The following PRDM11 variants were observed in gnomAD, a reference collection of about 807,000 sequenced individuals.
PRDM11 encodes the protein PR/SET domain 11.
In PRDM11, 20 loss-of-function variants were observed where a neutral mutation model predicts 97.8. The observed-to-expected ratio is 0.20, with a 90% CI of 0.14 to 0.30. The LOEUF is 0.30. Among genes scored for constraint, PRDM11 ranks in the 10% least tolerant of loss-of-function variants. The pLI, the probability that PRDM11 is intolerant of heterozygous loss-of-function variation, is 1.00. For synonymous variants in PRDM11, 599 were observed against 637.7 expected, an observed-to-expected ratio of 0.94 and a Z score of 0.91; for missense variants, 1,139 against 1,555.2, an observed-to-expected ratio of 0.73 and a Z score of 4.50.
Position 45,131,445 on chromosome 11 carries a change from A to G in PRDM11, c.96+35544A>G, listed in dbSNP as rs80296439. On this transcript the variant is annotated intron_variant, in intron 1 of 6. Transcript: ENST00000530656. ...GGTAACAATGGCAGATTACAAATCA[A>G]TGCAAAGTTTTGGAGGGAAATTTAA... is the stretch of plus-strand genomic sequence containing the variant. Among the ~76,000 whole-genome samples, 88 of 152,370 alleles carry G rather than the reference A, an allele frequency of 5.8e-4. No individual in the cohort carries two copies. The East Asian group carries it at 0.016, about 27-fold the overall frequency.
At chr11:45,114,699 A>T (rs1405233937) in intron 1 of PRDM11, among the ~76,000 whole-genome samples, 2 of 152,124 alleles carry the variant, frequency 1.3e-5, no homozygotes, top group African/African-American at 4.8e-5. Context: ...AACCAAAACA[A>T]CCAAACACAC....
At chr11:45,134,924 T>C (rs1852807925) in intron 1 of PRDM11, among the ~76,000 whole-genome samples, 1 of 151,920 alleles carries the variant, frequency 6.6e-6, no homozygotes, top group African/African-American at 2.4e-5. Flanking sequence ...AATCATTACA[T>C]CTAGAGGTTA....
At chr11:45,186,503 C>T (rs991197228) in intron 4 of PRDM11, among the ~76,000 whole-genome samples, 14 of 152,122 alleles carry the variant, frequency 9.2e-5, no homozygotes, top group African/African-American at 3.4e-4. Context: ...AGAGAAGAGG[C>T]ATTTCCTTTG....
rs953589069 is a variant in PRDM11 at position 45,232,398 on chromosome 11, T to C, written c.*4239T>C. 6.6e-6 allele frequency: 1 copy of C among 152,332 alleles called. No individual in the cohort carries two copies. Among genetic ancestry groups the C allele is most frequent in the African/African-American group, 2.4e-5 (1 of 41,474 alleles). The allele number at this position is 152,332 out of a possible 1,614,324, so 9.4% of individuals were successfully genotyped here. On this transcript the variant is annotated 3_prime_UTR_variant, in exon 8 of 8. Transcript: ENST00000683152. The stretch of plus-strand genomic sequence containing the variant: ...GGAATGGGAGTTCTAGACCTAGGTC[T>C]GCTTTTGGCTTTCAGTCTGGGTTGA...
chr11:45,127,766 G>A (rs563374706), intron 1 of PRDM11, among the ~76,000 whole-genome samples: 90 of 152,358 alleles, frequency 5.9e-4, no homozygotes, highest in Middle Eastern at 3.4e-3. Flanking sequence ...TGCCCCTACC[G>A]GGGGGTGCCT....
chr11:45,194,592 G>GTTTTTTT (rs869144098), intron 4 of PRDM11, among the ~76,000 whole-genome samples: 3 of 70,890 alleles, frequency 4.2e-5, no homozygotes, highest in Admixed American at 1.6e-4. Context: ...ATTATCTTCT[G>GTTTTTTT]TTTTTTTTTT....
chr11:45,107,409 C>G (rs1852080834), intron 1 of PRDM11, among the ~76,000 whole-genome samples: 1 of 152,216 alleles, frequency 6.6e-6, no homozygotes, highest in African/African-American at 2.4e-5. Context: ...TAGGTACACA[C>G]AAAACGACCC....
In PRDM11 at chr11:45,228,209, A is replaced by G. The variant is rs12293953; in HGVS notation, c.*50A>G. 643 of 1,292,992 alleles carry G rather than the reference A, an allele frequency of 5.0e-4. 1 individual carries two copies. In the African/African-American group the frequency reaches 6.1e-3, roughly 12 times the overall value. 80.1% of individuals were successfully genotyped at this position (1,292,992 alleles called of 1,614,324 possible). On this transcript the variant is annotated 3_prime_UTR_variant, in exon 8 of 8. Transcript: ENST00000683152. ...AAGCTGTTGAATATTTTTTTAATCTATACTCATAAGCTTTGATATATTATA... is the reference window on the plus strand; with the variant it reads ...AAGCTGTTGAATATTTTTTTAATCTGTACTCATAAGCTTTGATATATTATA...
chr11:45,213,457 G>A (rs1337496688), intron 5 of PRDM11: 1 of 450,460 alleles, frequency 2.2e-6, no homozygotes, highest in Admixed American at 2.4e-5. Flanking sequence ...TCTTTTGAAG[G>A]GGGTGAGGCC....
rs180843634 is a variant in PRDM11 at position 45,209,192 on chromosome 11, C to T, written c.554+4414C>T. The T allele has an allele frequency of 2.5e-4, 113 of 448,524 alleles. 1 individual carries two copies. Among genetic ancestry groups the T allele is most frequent in the African/African-American group, 2.1e-3 (106 of 49,954 alleles). The allele number at this position is 448,524 out of a possible 1,614,324, so 27.8% of individuals were successfully genotyped here. A position where few individuals can be genotyped will look rare whatever the true frequency, so the allele number is the denominator to read the frequency against. ...GGGGCCGGGCCCCCACCATCGTGCT[C>T]ACGGCCCACGAGAGGGCCATCAAGT... On this transcript the variant is annotated intron_variant, in intron 5 of 7. Coordinates refer to ENST00000683152, the MANE Select transcript of PRDM11 (RefSeq NM_001384648.1).
At chr11:45,151,688 A>T (rs1307967247) in intron 1 of PRDM11, among the ~76,000 whole-genome samples, 1 of 152,260 alleles carries the variant, frequency 6.6e-6, no homozygotes, top group Non-Finnish European at 1.5e-5. Flanking sequence ...CAAAGGAGAC[A>T]ACCACTGACT....
At chr11:45,123,131 T>C (rs1852479093) in intron 1 of PRDM11, among the ~76,000 whole-genome samples, 1 of 152,178 alleles carries the variant, frequency 6.6e-6, no homozygotes, top group Non-Finnish European at 1.5e-5. Flanking sequence ...TTTGGCTGCA[T>C]ACATGTCTTC....
rs2863170 is a variant in PRDM11 at position 45,223,406 on chromosome 11, G to T, written c.743-811G>T. On this transcript the variant is annotated intron_variant, in intron 6 of 7. Transcript: ENST00000683152. ...TGAAAGTAATTCAAAGTGAATTGAG[G>T]TAATTCACATGATAGAAAGAAATAG... is the stretch of plus-strand genomic sequence containing the variant. Among the ~76,000 whole-genome samples, 1,030 of 152,312 alleles carry T rather than the reference G, an allele frequency of 6.8e-3. 14 individuals are homozygous for T. Among genetic ancestry groups the T allele is most frequent in the African/African-American group, 0.024 (987 of 41,562 alleles).
chr11:45,184,222 G>T (rs901537508), intron 4 of PRDM11, among the ~76,000 whole-genome samples: 6 of 152,224 alleles, frequency 3.9e-5, no homozygotes, highest in Non-Finnish European at 8.8e-5. Flanking sequence ...TGTGCCTGGA[G>T]TGCAGCACAC....
At chr11:45,116,188 C>A (rs903096489) in intron 1 of PRDM11, among the ~76,000 whole-genome samples, 2 of 152,100 alleles carry the variant, frequency 1.3e-5, no homozygotes, top group African/African-American at 2.4e-5. Flanking sequence ...AATGTACAGT[C>A]ATGTTTGGAG....
intron 1 of PRDM11, among the ~76,000 whole-genome samples, chr11:45,098,724 T>C (rs1851924369): frequency 6.6e-6 from 1 of 152,056 alleles, no homozygotes; most frequent in Non-Finnish European, 1.5e-5. Flanking sequence ...CTGGGTTGTA[T>C]TTTCCCAGGT....
chr11:45,224,827 G>A lies in PRDM11; in HGVS notation c.1353G>A (p.Glu451=), dbSNP rs1854229948. The A allele has an allele frequency of 1.9e-6, 3 of 1,613,938 alleles. No individual in the cohort carries two copies. Among genetic ancestry groups the A allele is most frequent in the African/African-American group, 1.3e-5 (1 of 74,930 alleles). ...CACCACAGGTACTGGAGCTCCCAGA[G>A]TTCTCGGACCCTGCAGGTAAGTTGG... ...VLPPQVLELP[E]FSDPAASESM... The change falls in exon 7 of 8, where the codon GAG becomes GAA. Residue 451 remains glutamate (E), a synonymous_variant. Transcript: ENST00000683152.
At chr11:45,101,643 A>C (rs1248834269) in intron 1 of PRDM11, among the ~76,000 whole-genome samples, 1 of 147,850 alleles carries the variant, frequency 6.8e-6, no homozygotes, top group East Asian at 2.0e-4. Context: ...AGGAAGAAGA[A>C]GGCGTTCAGG....
chr11:45,124,492 C>T (rs940018900), intron 1 of PRDM11, among the ~76,000 whole-genome samples: 1 of 152,144 alleles, frequency 6.6e-6, no homozygotes, highest in Non-Finnish European at 1.5e-5. Flanking sequence ...TCACAGATAG[C>T]TCTCATTATT....
Sources: allele counts gnomAD v4.1 joint callset (sites outside exome capture counted in the v4.1 genomes callset), GRCh38; gene constraint gnomAD v4.1.1; transcripts MANE v1.5; gene names NCBI Gene and HGNC (gene_info 2026-07-23, HGNC 2026-07-21).